Variants in KIF16B observed in about 807,000 individuals in gnomAD.
KIF16B encodes the protein kinesin family member 16B.
Under a neutral mutation model 156.3 loss-of-function variants are expected in KIF16B, and 98 were observed. The ratio of observed to expected loss-of-function variants is 0.63; its 90% CI spans 0.53 to 0.74. KIF16B has a LOEUF of 0.74. KIF16B is among the 30% of genes least tolerant of loss of function. The pLI, the probability that KIF16B is intolerant of heterozygous loss-of-function variation, is 0.00. For synonymous variants in KIF16B, 564 were observed against 583.7 expected, an observed-to-expected ratio of 0.97 and a Z score of 0.49; for missense variants, 1,421 against 1,606.5, an observed-to-expected ratio of 0.88 and a Z score of 1.97.
intron 1 of KIF16B, among the ~76,000 whole-genome samples, chr20:16,538,524 T>A (rs1293294857): frequency 6.6e-6 from 1 of 152,158 alleles, no homozygotes; most frequent in Non-Finnish European, 1.5e-5. Flanking sequence ...TTGAAAGGTC[T>A]GGAAACTAGA....
intron 14 of KIF16B, among the ~76,000 whole-genome samples, chr20:16,427,999 C>T (rs2066400150): frequency 6.6e-6 from 1 of 152,160 alleles, no homozygotes; most frequent in Non-Finnish European, 1.5e-5. Context: ...CTACTGATCT[C>T]TGATCACAGA....
At chr20:16,457,225 A>G (rs1025868110) in intron 12 of KIF16B, among the ~76,000 whole-genome samples, 1 of 152,176 alleles carries the variant, frequency 6.6e-6, no homozygotes, top group Admixed American at 6.5e-5. Flanking sequence ...TTTAAGAACA[A>G]CAACAACAAC....
chr20:16,444,108 C>A (rs1348179366), intron 12 of KIF16B, among the ~76,000 whole-genome samples: 1 of 152,204 alleles, frequency 6.6e-6, no homozygotes, highest in African/African-American at 2.4e-5. Context: ...CTTTCCTAAG[C>A]CATTACAAAC....
In KIF16B at chr20:16,379,763, C is replaced by T. The variant is rs1340681907; in HGVS notation, c.2239G>A (p.Glu747Lys). The T allele has an allele frequency of 6.2e-7, 1 of 1,614,098 alleles. No individual in the cohort carries two copies. Among genetic ancestry groups the T allele is most frequent in the Non-Finnish European group, 8.5e-7 (1 of 1,180,020 alleles). ...KDEQYAKLEL[E>K]KKRLEEQEKE... ...TCCTGCTCCTCTAGTCTCTTTTTTT[C>T]CAGTTCAAGCTTGGCATACTGTTCA... is the stretch of plus-strand genomic sequence containing the variant. Residue 747 changes from glutamate to lysine, a missense_variant, in exon 19 of 26, where the codon GAA (glutamate) becomes AAA (lysine). By Grantham distance (56) the Glu-to-Lys change is moderately conservative. Coordinates refer to ENST00000354981, the MANE Select transcript of KIF16B (RefSeq NM_024704.5).
At chr20:16,350,737 G>T (rs1477777781) in intron 23 of KIF16B, among the ~76,000 whole-genome samples, 1 of 151,982 alleles carries the variant, frequency 6.6e-6, no homozygotes, top group Non-Finnish European at 1.5e-5. Flanking sequence ...GGTGGGGGCG[G>T]GGGGGAAGTT....
Position 16,446,047 on chromosome 20 carries a change from A to G in KIF16B, c.1303-16065T>C, listed in dbSNP as rs141910512. Among the ~76,000 whole-genome samples, 3 of 152,328 alleles carry G rather than the reference A, an allele frequency of 2.0e-5. No homozygotes were observed. The East Asian group carries it at 5.8e-4, about 29-fold the overall frequency. On this transcript the variant is annotated intron_variant, in intron 12 of 25. Transcript: ENST00000354981. ...TGAATTCCTCCAGAATGGACAGCCT[A>G]TGAGAGTGCAGAAGCCTGCTGTTGC...
chr20:16,352,837 G>A (rs2064364580), intron 23 of KIF16B, among the ~76,000 whole-genome samples: 1 of 152,154 alleles, frequency 6.6e-6, no homozygotes, highest in Non-Finnish European at 1.5e-5. Flanking sequence ...AACACCAAGT[G>A]GGCCCTGGTG....
chr20:16,388,731 G>A (rs1028722756), intron 17 of KIF16B, among the ~76,000 whole-genome samples: 11 of 151,066 alleles, frequency 7.3e-5, no homozygotes, highest in African/African-American at 2.4e-4. Flanking sequence ...TGTTATCATC[G>A]GCAATAAAAA....
chr20:16,306,623 T>A (rs17737595), intron 25 of KIF16B, among the ~76,000 whole-genome samples: 1 of 152,174 alleles, frequency 6.6e-6, no homozygotes, highest in South Asian at 2.1e-4. Flanking sequence ...CAAGTAAATG[T>A]AACAAACTGA....
intron 22 of KIF16B, chr20:16,369,280 C>CA: frequency 4.1e-6 from 4 of 985,632 alleles, no homozygotes; most frequent in African/African-American, 1.7e-5. Flanking sequence ...TTCAAGGTGT[C>CA]AAAAAAAGTT....
At chr20:16,572,593 AC>A (rs1568706944) in intron 1 of KIF16B, among the ~76,000 whole-genome samples, 1 of 152,244 alleles carries the variant, frequency 6.6e-6, no homozygotes, top group Non-Finnish European at 1.5e-5. Flanking sequence ...AAAAAGCATT[AC>A]TTCGTAGAAA....
At chr20:16,519,658 G>A (rs888271952) in intron 3 of KIF16B, among the ~76,000 whole-genome samples, 2 of 152,206 alleles carry the variant, frequency 1.3e-5, no homozygotes, top group African/African-American at 2.4e-5. Flanking sequence ...GTTCCCAGGC[G>A]GTACTGATGA....
At chr20:16,291,199 C>A (rs1438303362) in intron 25 of KIF16B, among the ~76,000 whole-genome samples, 2 of 152,172 alleles carry the variant, frequency 1.3e-5, no homozygotes, top group Non-Finnish European at 2.9e-5. Flanking sequence ...CATAGGTTTA[C>A]AATATCTTCT....
At chr20:16,479,248 T>C (rs748948455) in intron 12 of KIF16B, among the ~76,000 whole-genome samples, 2 of 152,076 alleles carry the variant, frequency 1.3e-5, no homozygotes, top group Non-Finnish European at 2.9e-5. Context: ...AACAAACTAA[T>C]GCAGGAACAG....
chr20:16,278,311 G>A (rs17737025), intron 25 of KIF16B, among the ~76,000 whole-genome samples: 4,509 of 152,076 alleles, frequency 0.03, 69 homozygotes, highest in Middle Eastern at 0.038. Context: ...CGTTGGAGAC[G>A]GGTACCCATG....
At chr20:16,320,376 A>C (rs926952565) in intron 24 of KIF16B, among the ~76,000 whole-genome samples, 24 of 151,420 alleles carry the variant, frequency 1.6e-4, no homozygotes, top group Non-Finnish European at 3.4e-4. Context: ...GAAAAAAAAA[A>C]CTTTAAAAAA....
chr20:16,498,978 C>T (rs1009339882), intron 10 of KIF16B, among the ~76,000 whole-genome samples: 1 of 151,966 alleles, frequency 6.6e-6, no homozygotes. Flanking sequence ...TATCTGTATA[C>T]TGAACGAAAG....
At chr20:16,533,946 T>TA (rs777983624) in intron 1 of KIF16B, among the ~76,000 whole-genome samples, 18 of 151,148 alleles carry the variant, frequency 1.2e-4, no homozygotes, top group African/African-American at 1.5e-4. Flanking sequence ...TGAAACAGTT[T>TA]AAAAAAAAAT....
intron 25 of KIF16B, among the ~76,000 whole-genome samples, chr20:16,305,308 A>C (rs1004051314): frequency 6.6e-6 from 1 of 152,222 alleles, no homozygotes; most frequent in Non-Finnish European, 1.5e-5. Flanking sequence ...AGACCACTCC[A>C]TAATAGTGTC....
Sources: gnomAD v4.1 joint callset for allele counts (sites outside exome capture counted in the v4.1 genomes callset) on GRCh38, gnomAD v4.1.1 for gene constraint, MANE v1.5 for transcripts, NCBI Gene and HGNC (gene_info 2026-07-23, HGNC 2026-07-21) for gene names.